BACH2: variants seen among roughly 807,000 people sequenced by gnomAD.
The protein encoded by BACH2 is BACH transcriptional regulator 2, also known as transcription regulator protein BACH2.
In BACH2, 5 loss-of-function variants were observed where a neutral mutation model predicts 61.8. The observed-to-expected ratio is 0.08, with a 90% confidence interval of 0.04 to 0.17. BACH2 has a LOEUF of 0.17. Ranked by LOEUF, BACH2 falls within the 10% of genes least tolerant of loss-of-function variation. BACH2 has a pLI of 1.00. For synonymous variants in BACH2, 446 were observed against 440.1 expected (o/e 1.01, Z -0.17); for missense variants, 824 against 1,091.1 (o/e 0.76, Z 3.45).
chr6:89,939,493 C>T (rs923055702), intron 7 of BACH2, among the ~76,000 whole-genome samples: 1 of 152,104 alleles, frequency 6.6e-6, no homozygotes, highest in African/African-American at 2.4e-5. Flanking sequence ...TATTATGCAA[C>T]AATAGACATT....
At chr6:90,227,652 T>A (rs1769960485) in intron 3 of BACH2, among the ~76,000 whole-genome samples, 1 of 152,178 alleles carries the variant, frequency 6.6e-6, no homozygotes, top group Non-Finnish European at 1.5e-5. Flanking sequence ...GAAGCAGAGT[T>A]AATTTCAAAA....
chr6:89,974,821 A>G (rs1403295788), intron 6 of BACH2, among the ~76,000 whole-genome samples: 2 of 152,234 alleles, frequency 1.3e-5, no homozygotes, highest in African/African-American at 4.8e-5. Flanking sequence ...TACAAATGCT[A>G]TAATTTTCTT....
intron 5 of BACH2, among the ~76,000 whole-genome samples, chr6:90,029,914 A>G (rs1778868022): frequency 6.6e-6 from 1 of 152,204 alleles, no homozygotes; most frequent in South Asian, 2.1e-4. Flanking sequence ...AGATAATGGG[A>G]TGGTACAAAA....
At chr6:90,208,918 C>A (rs1339558595) in intron 3 of BACH2, among the ~76,000 whole-genome samples, 2 of 152,014 alleles carry the variant, frequency 1.3e-5, no homozygotes, top group Non-Finnish European at 2.9e-5. Context: ...ATGGAGGAAA[C>A]TGGAAACCAT....
At chr6:90,181,288 T>C (rs1327186059) in intron 4 of BACH2, among the ~76,000 whole-genome samples, 1 of 152,126 alleles carries the variant, frequency 6.6e-6, no homozygotes, top group African/African-American at 2.4e-5. Context: ...TGTTTTTGTT[T>C]TTTAAAAACA....
chr6:90,030,347 G>C (rs372020923), intron 5 of BACH2, among the ~76,000 whole-genome samples: 56 of 152,182 alleles, frequency 3.7e-4, no homozygotes, highest in Middle Eastern at 6.8e-3. Flanking sequence ...ACGTGGCTCT[G>C]GAAGGCCTGG....
intron 3 of BACH2, among the ~76,000 whole-genome samples, chr6:90,206,909 G>T (rs1196382563): frequency 6.6e-6 from 1 of 152,156 alleles, no homozygotes; most frequent in Non-Finnish European, 1.5e-5. Flanking sequence ...TTCCTAGAAA[G>T]GCAGTGTACC....
At chr6:90,213,154 A>G (rs1217342515) in intron 3 of BACH2, among the ~76,000 whole-genome samples, 1 of 152,150 alleles carries the variant, frequency 6.6e-6, no homozygotes, top group Non-Finnish European at 1.5e-5. Flanking sequence ...AAAGAATGAG[A>G]TGAGTGAAAG....
chr6:89,974,559 T>C (rs571205655), intron 6 of BACH2, among the ~76,000 whole-genome samples: 96 of 152,354 alleles, frequency 6.3e-4, no homozygotes, highest in Non-Finnish European at 1.1e-3. Flanking sequence ...ACACGTTCCA[T>C]GCATCATGCT....
At chr6:89,942,205 G>A (rs1428784693) in intron 7 of BACH2, among the ~76,000 whole-genome samples, 3 of 151,298 alleles carry the variant, frequency 2.0e-5, no homozygotes, top group Non-Finnish European at 4.4e-5. Flanking sequence ...GTCGGGGTGG[G>A]TGGGAACTTG....
At chr6:90,064,332 T>C (rs1339601190) in intron 5 of BACH2, among the ~76,000 whole-genome samples, 1 of 152,064 alleles carries the variant, frequency 6.6e-6, no homozygotes, top group African/African-American at 2.4e-5. Context: ...CAGGCACATA[T>C]GGGAAGGGGA....
At chr6:90,294,843 A>C (rs1772288871) in intron 1 of BACH2, among the ~76,000 whole-genome samples, 1 of 152,154 alleles carries the variant, frequency 6.6e-6, no homozygotes, top group Non-Finnish European at 1.5e-5. Flanking sequence ...CCTTTCCTAC[A>C]TGTTACATTT....
intron 4 of BACH2, among the ~76,000 whole-genome samples, chr6:90,123,643 G>A (rs961044246): frequency 2.0e-5 from 3 of 150,502 alleles, no homozygotes; most frequent in Non-Finnish European, 3.0e-5. Context: ...AGTGGCGGGC[G>A]CCTGTAGTCC....
At chr6:90,036,101 T>G (rs1161615793) in intron 5 of BACH2, among the ~76,000 whole-genome samples, 1 of 151,650 alleles carries the variant, frequency 6.6e-6, no homozygotes, top group Non-Finnish European at 1.5e-5. Flanking sequence ...TAAGTGAAAA[T>G]AAAATGGGTT....
chr6:90,246,118 T>G (rs931528031), intron 3 of BACH2, among the ~76,000 whole-genome samples: 1 of 152,216 alleles, frequency 6.6e-6, no homozygotes, highest in Non-Finnish European at 1.5e-5. Context: ...CCCAGATTGG[T>G]GAGAGCCAGG....
At chr6:90,280,119 T>A (rs1771814119) in intron 1 of BACH2, among the ~76,000 whole-genome samples, 1 of 152,128 alleles carries the variant, frequency 6.6e-6, no homozygotes. Context: ...GGACTATGTA[T>A]AAGAAGAAAA....
At chr6:90,216,905 G>C (rs1299285238) in intron 3 of BACH2, among the ~76,000 whole-genome samples, 2 of 152,114 alleles carry the variant, frequency 1.3e-5, no homozygotes, top group African/African-American at 4.8e-5. Flanking sequence ...CCATAATAAA[G>C]TATTACTGGT....
chr6:90,018,010 G>T (rs970538362), intron 5 of BACH2, among the ~76,000 whole-genome samples: 2 of 152,178 alleles, frequency 1.3e-5, no homozygotes, highest in Non-Finnish European at 2.9e-5. Context: ...TTGTTAGATA[G>T]GAAAAGCAGC....
intron 3 of BACH2, among the ~76,000 whole-genome samples, chr6:90,245,869 G>A (rs1209537610): frequency 6.6e-6 from 1 of 152,224 alleles, no homozygotes; most frequent in Admixed American, 6.5e-5. Flanking sequence ...AAAAATCTAT[G>A]AAAACTTGCT....
Sources: gnomAD v4.1 joint callset for allele counts (sites outside exome capture counted in the v4.1 genomes callset) on GRCh38, gnomAD v4.1.1 for gene constraint, MANE v1.5 for transcripts, NCBI Gene and HGNC (gene_info 2026-07-23, HGNC 2026-07-21) for gene names.